The following PCDH15 variants were observed in gnomAD, a reference collection of about 807,000 sequenced individuals.
The protein encoded by PCDH15 is protocadherin-15.
In PCDH15, 129 loss-of-function variants were observed where a neutral mutation model predicts 178.5. That is an observed-to-expected ratio of 0.72 (90% confidence interval 0.63 to 0.84). The LOEUF (loss-of-function observed/expected upper bound fraction) is 0.84. Among genes scored for constraint, PCDH15 ranks in the 40% least tolerant of loss-of-function variants. PCDH15 has a pLI of 0.00. For synonymous variants in PCDH15, 800 were observed against 732.0 expected (o/e 1.09, Z -1.50); for missense variants, 2,230 against 2,099.9 (o/e 1.06, Z -1.21).
At chr10:54,553,955 C>T (rs2086888540) in intron 2 of PCDH15, among the ~76,000 whole-genome samples, 1 of 152,090 alleles carries the variant, frequency 6.6e-6, no homozygotes, top group Non-Finnish European at 1.5e-5. Context: ...TATGTATCTA[C>T]ATTATAAATC....
At chr10:55,299,103 AATTG>A (rs927088174) in intron 1 of PCDH15, among the ~76,000 whole-genome samples, 2 of 152,132 alleles carry the variant, frequency 1.3e-5, no homozygotes, top group African/African-American at 4.8e-5. Flanking sequence ...ACTTTAATAT[AATTG>A]ATTGAAATGA....
chr10:53,909,331 C>T lies in PCDH15; in HGVS notation c.3374-5961G>A, dbSNP rs59956912. On this transcript the variant is annotated intron_variant, in intron 25 of 37. Transcript: ENST00000644397. The stretch of plus-strand genomic sequence containing the variant: ...TTAAATCTCTTCTCTTTATAAATTA[C>T]CCAGTCTCGGTTATTTCTTTATACC... Among the ~76,000 whole-genome samples, 1,413 of 152,208 alleles carry T rather than the reference C, an allele frequency of 9.3e-3. 29 individuals carry two copies. The highest frequency in any genetic ancestry group is 0.032 in the African/African-American group (1,340 of 41,502).
chr10:55,517,051 G>A (rs1841030062), intron 2 of PCDH15, among the ~76,000 whole-genome samples: 2 of 151,780 alleles, frequency 1.3e-5, no homozygotes, highest in South Asian at 4.2e-4. Flanking sequence ...TAGGAATAAA[G>A]CTAAATTAAC....
chr10:54,031,233 A>G lies in PCDH15; in HGVS notation c.2221-8036T>C, dbSNP rs553857384. Reference sequence around the variant, plus strand: ...ACCATGCTCTCCCTCACCTTCCCTGATATAGGTTTTTTTTTTGTTTGTTTT... The same window carrying G: ...ACCATGCTCTCCCTCACCTTCCCTGGTATAGGTTTTTTTTTTGTTTGTTTT... On this transcript the variant is annotated intron_variant, in intron 18 of 37. Transcript: ENST00000644397. 8.4e-3 allele frequency among the ~76,000 whole-genome samples: 678 copies of G among 81,098 alleles called. 3 individuals carry two copies. The highest frequency in any genetic ancestry group is 0.014 in the Non-Finnish European group (499 of 36,804). The allele number at this position is 81,098 out of a possible 152,430, so 53.2% of individuals were successfully genotyped here. A position where few individuals can be genotyped will look rare whatever the true frequency, so the allele number is the denominator to read the frequency against.
chr10:54,945,993 T>C (rs1222594168), intron 2 of PCDH15, among the ~76,000 whole-genome samples: 1 of 151,886 alleles, frequency 6.6e-6, no homozygotes, highest in East Asian at 1.9e-4. Context: ...CAGTAGAATG[T>C]CAGTTAATTT....
intron 10 of PCDH15, among the ~76,000 whole-genome samples, chr10:54,202,495 A>AT (rs2050335886): frequency 6.6e-6 from 1 of 152,102 alleles, no homozygotes. Flanking sequence ...GTACCTAAGA[A>AT]TAGAATGGAA....
At chr10:54,689,048 G>T (rs377468568) in intron 1 of PCDH15, among the ~76,000 whole-genome samples, 2 of 151,952 alleles carry the variant, frequency 1.3e-5, no homozygotes, top group East Asian at 3.9e-4. Context: ...ATGCTAAATT[G>T]GGTATCTGCT....
intron 36 of PCDH15, among the ~76,000 whole-genome samples, chr10:53,811,061 G>T (rs1248680185): frequency 6.6e-6 from 1 of 152,154 alleles, no homozygotes; most frequent in Non-Finnish European, 1.5e-5. Flanking sequence ...TTCAAACATG[G>T]TCTGTAATGG....
At chr10:53,978,380 A>G (rs1340976668) in intron 21 of PCDH15, among the ~76,000 whole-genome samples, 1 of 152,144 alleles carries the variant, frequency 6.6e-6, no homozygotes, top group African/African-American at 2.4e-5. Flanking sequence ...TTCTGAAGCG[A>G]TGGCCTGAAC....
chr10:54,490,722 A>G (rs1233986327), intron 3 of PCDH15, among the ~76,000 whole-genome samples: 1 of 152,152 alleles, frequency 6.6e-6, no homozygotes, highest in Non-Finnish European at 1.5e-5. Flanking sequence ...AATATCAATG[A>G]CTAGTAAAAG....
chr10:55,177,183 A>G (rs1402454777), intron 1 of PCDH15, among the ~76,000 whole-genome samples: 2 of 152,132 alleles, frequency 1.3e-5, no homozygotes, highest in African/African-American at 4.8e-5. Flanking sequence ...CCTCCCCTAA[A>G]TCTTCAAGCA....
chr10:55,366,652 C>T (rs1172040810), intron 2 of PCDH15, among the ~76,000 whole-genome samples: 1 of 152,082 alleles, frequency 6.6e-6, no homozygotes, highest in African/African-American at 2.4e-5. Context: ...GATGCATAGA[C>T]AATTAATGTA....
At chr10:53,945,463 C>T (rs578224538) in intron 23 of PCDH15, among the ~76,000 whole-genome samples, 1 of 151,880 alleles carries the variant, frequency 6.6e-6, no homozygotes, top group Non-Finnish European at 1.5e-5. Flanking sequence ...CAATATTGTA[C>T]ATTGTTGTCA....
Position 54,904,886 on chromosome 10 carries a change from A to G in PCDH15, c.-79-7386T>C, listed in dbSNP as rs1954693716. ...AGGGAAGAAGGTGGGTATAAATTAA[A>G]AAAAACAAAAAGGACAAAGATAAAA... is the stretch of plus-strand genomic sequence containing the variant. On this transcript the variant is annotated intron_variant, in intron 2 of 5. Coordinates refer to the PCDH15 transcript ENST00000458638. Among the ~76,000 whole-genome samples, 3 of 151,644 alleles carry G rather than the reference A, an allele frequency of 2.0e-5. No homozygotes were observed. In the Admixed American group the frequency reaches 2.0e-4, roughly 10 times the overall value.
At chr10:54,200,666 T>C (rs1033573700) in intron 10 of PCDH15, among the ~76,000 whole-genome samples, 1 of 152,156 alleles carries the variant, frequency 6.6e-6, no homozygotes, top group African/African-American at 2.4e-5. Flanking sequence ...AGTCCTTATC[T>C]TACTTGACCT....
intron 1 of PCDH15, among the ~76,000 whole-genome samples, chr10:54,783,896 G>A (rs535567935): frequency 7.6e-4 from 115 of 152,196 alleles, no homozygotes; most frequent in Non-Finnish European, 1.4e-3. Context: ...CCAAGACTGG[G>A]CAATTTACAA....
At chr10:55,060,909 G>A (rs956379952) in intron 2 of PCDH15, among the ~76,000 whole-genome samples, 1 of 151,898 alleles carries the variant, frequency 6.6e-6, no homozygotes, top group African/African-American at 2.4e-5. Flanking sequence ...ACAGGCCTTA[G>A]ACTTTCACAA....
chr10:53,964,421 A>ATTTATTCATAAAATTTTTATAAAT (rs1161861846), intron 21 of PCDH15, among the ~76,000 whole-genome samples: 6 of 132,500 alleles, frequency 4.5e-5, no homozygotes, highest in African/African-American at 1.0e-4. Context: ...TATAAATTTT[A>ATTTATTCATAAAATTTTTATAAAT]TTTATTCATA....
rs1057516472 is a variant in PCDH15 at position 53,827,533 on chromosome 10, A to T, written c.4227T>A (p.Cys1409Ter). The T allele has an allele frequency of 1.9e-6, 3 of 1,614,128 alleles. No individual in the cohort carries two copies. The highest frequency in any genetic ancestry group is 2.5e-6 in the Non-Finnish European group (3 of 1,179,980). Residue 1409 changes from cysteine (C) to a stop codon, truncating the protein, a stop_gained, in exon 32 of 38, where the codon TGT becomes TGA. Coordinates refer to ENST00000644397, the MANE Select transcript of PCDH15 (RefSeq NM_001384140.1). LOFTEE classifies it high-confidence loss of function. ...CGGCCTGAATTCGTGCAGTCTTTGTACACTCAGCTTGACGTCTTGGATAAA... is the reference window on the plus strand; with the variant it reads ...CGGCCTGAATTCGTGCAGTCTTTGTTCACTCAGCTTGACGTCTTGGATAAA... ...YRQFKVRQAECTKTARIQAAL... is the reference protein window; with the variant it reads ...YRQFKVRQAE
Sources: gnomAD v4.1 joint callset for allele counts (sites outside exome capture counted in the v4.1 genomes callset) on GRCh38, gnomAD v4.1.1 for gene constraint, MANE v1.5 for transcripts, NCBI Gene and HGNC (gene_info 2026-07-23, HGNC 2026-07-21) for gene names.